The following GPSM3 variants were observed in gnomAD, a reference collection of about 807,000 sequenced individuals.
The protein encoded by GPSM3 is G protein-signaling modulator 3.
Under a neutral mutation model 20.4 loss-of-function variants are expected in GPSM3, and 16 were observed. The observed-to-expected ratio is 0.78, with a 90% confidence interval of 0.53 to 1.19. The LOEUF is 1.19. Ranked by LOEUF, GPSM3 falls within the 50% of genes most tolerant of loss-of-function variation. The pLI is 0.00. For synonymous variants in GPSM3, 70 were observed against 79.6 expected (o/e 0.88, Z 0.64); for missense variants, 177 against 204.6 (o/e 0.86, Z 0.82).
In GPSM3 at chr6:32,192,175, G is replaced by A; in HGVS notation, c.118C>T (p.Pro40Ser). The change falls in exon 2 of 4, where the codon CCT (proline) becomes TCT (serine). Residue 40 changes from proline to serine, a missense_variant. Pro to Ser is a moderately conservative substitution (Grantham distance 74). Coordinates refer to ENST00000375040, the MANE Select transcript of GPSM3 (RefSeq NM_001276501.2). The surrounding 1 kb of genome is among the most constrained non-coding windows in gnomAD (Gnocchi z 5.1). ...GTGTGGCGGGTCCCTGGAGGAGGAG[G>A]GGATGGAGGAGCAGATCGCCAAGGC... ...TRPWRSAPPS[P>S]PPPGTRHTAL... 2.0e-6 allele frequency: 3 copies of A among 1,511,990 alleles called. No homozygotes were observed. Among genetic ancestry groups the A allele is most frequent in the Non-Finnish European group, 2.7e-6 (3 of 1,130,514 alleles). The allele number at this position is 1,511,990 out of a possible 1,614,324, so 93.7% of individuals were successfully genotyped here.
Position 32,192,164 on chromosome 6 carries a change from T to C in GPSM3, c.129A>G (p.Pro43=). The change falls in exon 2 of 4, where the codon CCA becomes CCG. Residue 43 remains proline, a synonymous_variant. Transcript: ENST00000375040. The surrounding 1 kb of genome is among the most constrained non-coding windows in gnomAD (Gnocchi z 5.1). The part of the protein sequence containing the change: ...WRSAPPSPPP[P]GTRHTALGPR... ...TAGGGGTACCTGTGTGGCGGGTCCC[T>C]GGAGGAGGAGGGGATGGAGGAGCAG... 6.6e-7 allele frequency: 1 copy of C among 1,506,664 alleles called. No homozygotes were observed. Among genetic ancestry groups the C allele is most frequent in the Non-Finnish European group, 8.9e-7 (1 of 1,127,548 alleles). 93.3% of individuals were successfully genotyped at this position (1,506,664 alleles called of 1,614,324 possible). A position where few individuals can be genotyped will look rare whatever the true frequency, so the allele number is the denominator to read the frequency against.
chr6:32,191,549 G>A lies in GPSM3; in HGVS notation c.346-46C>T, dbSNP rs1787514148. 1.3e-6 allele frequency: 2 copies of A among 1,523,652 alleles called. No individual in the cohort carries two copies. The highest frequency in any genetic ancestry group is 1.8e-6 in the Non-Finnish European group (2 of 1,136,460). 94.4% of individuals were successfully genotyped at this position (1,523,652 alleles called of 1,614,324 possible). On this transcript the variant is annotated intron_variant, in intron 3 of 3. Coordinates refer to ENST00000375040, the MANE Select transcript of GPSM3 (RefSeq NM_001276501.2). The surrounding 1 kb of genome is among the most constrained non-coding windows in gnomAD (Gnocchi z 5.9). ...GGAGAGCTTTGGTGAGGGTCTGAGA[G>A]GAGGAGGTTCTTGAGAGGATCAAGG...
chr6:32,191,445 A>T lies in GPSM3; in HGVS notation c.404T>A (p.Leu135His). The T allele has an allele frequency of 6.3e-7, 1 of 1,592,514 alleles. No homozygotes were observed. Among genetic ancestry groups the T allele is most frequent in the Non-Finnish European group, 8.5e-7 (1 of 1,170,868 alleles). Residue 135 changes from leucine to histidine, a missense_variant, in exon 4 of 4, where the codon CTC (leucine) becomes CAC (histidine). Physicochemically the swap from Leu to His is moderately conservative, Grantham distance 99. Coordinates refer to ENST00000375040, the MANE Select transcript of GPSM3 (RefSeq NM_001276501.2). The surrounding 1 kb of genome is among the most constrained non-coding windows in gnomAD (Gnocchi z 5.9). Reference sequence around the variant, plus strand: ...CTGAACTCTCAGCAGCAACTCCAGGAGCTCTTGCCCCCCTGGAGGGAGGGG... The same window carrying T: ...CTGAACTCTCAGCAGCAACTCCAGGTGCTCTTGCCCCCCTGGAGGGAGGGG... The part of the protein sequence containing the change: ...EPPLPPGGQE[L>H]LELLLRVQGG...
At chr6:32,193,891 A>G (rs567280216), upstream of GPSM3, among the ~76,000 whole-genome samples, 7 of 152,362 alleles carry the variant, frequency 4.6e-5, no homozygotes, top group South Asian at 1.0e-3. This position sits in a 1 kb window ranked among gnomAD's most constrained non-coding sequence, Gnocchi z 4.7. Flanking sequence ...TGGTACCTCT[A>G]AATGGCAACC....
At position 32,191,615 on chromosome 6, in the gene GPSM3, G is replaced by T; in HGVS notation, c.345+94C>A. 3.4e-6 allele frequency: 5 copies of T among 1,469,252 alleles called. No homozygotes were observed. Among genetic ancestry groups the T allele is most frequent in the Non-Finnish European group, 4.6e-6 (5 of 1,088,326 alleles). 91.0% of individuals were successfully genotyped at this position (1,469,252 alleles called of 1,614,324 possible). ...CATATAGGAAACCTGTGAAGGCGAT[G>T]GGGTGCCTAGGGAGAAACAGGAGTA... On this transcript the variant is annotated intron_variant, in intron 3 of 3. Coordinates refer to ENST00000375040, the MANE Select transcript of GPSM3 (RefSeq NM_001276501.2). The surrounding 1 kb of genome is among the most constrained non-coding windows in gnomAD (Gnocchi z 5.9).
chr6:32,195,137 T>C, upstream of GPSM3: 1 of 440,432 alleles, frequency 2.3e-6, no homozygotes, highest in South Asian at 4.3e-5. The surrounding 1 kb of genome is among the most constrained non-coding windows in gnomAD (Gnocchi z 5.4). Flanking sequence ...ACATCCCATA[T>C]GCCTGCAATT....
At chr6:32,195,006 A>G, upstream of GPSM3, 1 of 245,110 alleles carries the variant, frequency 4.1e-6, no homozygotes, top group East Asian at 5.9e-5. The surrounding 1 kb of genome is among the most constrained non-coding windows in gnomAD (Gnocchi z 5.4). Flanking sequence ...ACTTTTCAGC[A>G]CCTACACAGT....
chr6:32,192,507 C>T lies in GPSM3; in HGVS notation c.7G>A (p.Ala3Thr), dbSNP rs1267763914. Residue 3 changes from alanine (A) to threonine (T), a missense_variant, in exon 1 of 4, where the codon GCT becomes ACT. Physicochemically the swap from Ala to Thr is moderately conservative, Grantham distance 58 (BLOSUM62 0). Transcript: ENST00000375040. The surrounding 1 kb of genome is among the most constrained non-coding windows in gnomAD (Gnocchi z 5.1). ME[A>T]ERPQEEEDGE... ...TCCTCTTCTTCCTGGGGTCTCTCAG[C>T]CTCCATCCCCTAGAGGGGAGAAACT... 4.4e-6 allele frequency: 7 copies of T among 1,588,692 alleles called. No individual in the cohort carries two copies. Among genetic ancestry groups the T allele is most frequent in the Non-Finnish European group, 6.0e-6 (7 of 1,166,630 alleles).
In GPSM3 at chr6:32,192,594, T is replaced by C; in HGVS notation, c.-81A>G. The C allele has an allele frequency of 2.1e-6, 1 of 470,004 alleles. No homozygotes were observed. The highest frequency in any genetic ancestry group is 5.8e-5 in the East Asian group (1 of 17,102). 29.1% of individuals were successfully genotyped at this position (470,004 alleles called of 1,614,324 possible). On this transcript the variant is annotated 5_prime_UTR_variant, in exon 1 of 4. Transcript: ENST00000375040. The surrounding 1 kb of genome is among the most constrained non-coding windows in gnomAD (Gnocchi z 5.1). ...TGGAACCTTGGGTTCCTGAGGGGAG[T>C]GGGGGCTGGAAGGGGTGGGGGTGAG...
chr6:32,192,595 G>T lies in GPSM3; in HGVS notation c.-82C>A. 1.0e-6 allele frequency: 1 copy of T among 969,414 alleles called. No homozygotes were observed. Among genetic ancestry groups the T allele is most frequent in the South Asian group, 1.5e-5 (1 of 68,264 alleles). 60.1% of individuals were successfully genotyped at this position (969,414 alleles called of 1,614,324 possible). On this transcript the variant is annotated 5_prime_UTR_variant, in exon 1 of 4. Coordinates refer to ENST00000375040, the MANE Select transcript of GPSM3 (RefSeq NM_001276501.2). The surrounding 1 kb of genome is among the most constrained non-coding windows in gnomAD (Gnocchi z 5.1). ...GGAACCTTGGGTTCCTGAGGGGAGTGGGGGCTGGAAGGGGTGGGGGTGAGC... is the reference window on the plus strand; with the variant it reads ...GGAACCTTGGGTTCCTGAGGGGAGTTGGGGCTGGAAGGGGTGGGGGTGAGC...
At chr6:32,193,163 T>C (rs1787656149), upstream of GPSM3, 1 of 152,590 alleles carries the variant, frequency 6.6e-6, no homozygotes, top group African/African-American at 2.4e-5. This position sits in a 1 kb window ranked among gnomAD's most constrained non-coding sequence, Gnocchi z 4.7. Context: ...ATTCAATATA[T>C]ATGTATTGAA....
chr6:32,195,355 T>G, upstream of GPSM3: 1 of 1,320,336 alleles, frequency 7.6e-7, no homozygotes, highest in Non-Finnish European at 1.0e-6. This position sits in a 1 kb window ranked among gnomAD's most constrained non-coding sequence, Gnocchi z 5.4. Context: ...TTTTGGGGGA[T>G]CCATCTTAAA....
Position 32,191,110 on chromosome 6 carries a change from G to C in GPSM3, c.*256C>G. 2.2e-6 allele frequency: 1 copy of C among 448,938 alleles called. No individual in the cohort carries two copies. Among genetic ancestry groups the C allele is most frequent in the Non-Finnish European group, 3.9e-6 (1 of 256,854 alleles). The allele number at this position is 448,938 out of a possible 1,614,324, so 27.8% of individuals were successfully genotyped here. A position where few individuals can be genotyped will look rare whatever the true frequency, so the allele number is the denominator to read the frequency against. On this transcript the variant is annotated 3_prime_UTR_variant, in exon 4 of 4. Transcript: ENST00000375040. This position sits in a 1 kb window ranked among gnomAD's most constrained non-coding sequence, Gnocchi z 5.9. ...AGCCACTCCTTGAGATGGGTGCCTG[G>C]GATCCCCCTTACTGCCTCAAGCTCC... is the stretch of plus-strand genomic sequence containing the variant.
upstream of GPSM3, among the ~76,000 whole-genome samples, chr6:32,193,748 C>T (rs1787690561): frequency 1.3e-5 from 2 of 152,052 alleles, no homozygotes; most frequent in Non-Finnish European, 2.9e-5. This position sits in a 1 kb window ranked among gnomAD's most constrained non-coding sequence, Gnocchi z 4.7. Flanking sequence ...GGCAACAGAG[C>T]AATACCCTGT....
chr6:32,191,609 G>A lies in GPSM3; in HGVS notation c.345+100C>T. ...GGGAGGCATATAGGAAACCTGTGAA[G>A]GCGATGGGGTGCCTAGGGAGAAACA... is the stretch of plus-strand genomic sequence containing the variant. On this transcript the variant is annotated intron_variant, in intron 3 of 3. Coordinates refer to ENST00000375040, the MANE Select transcript of GPSM3 (RefSeq NM_001276501.2). The surrounding 1 kb of genome is among the most constrained non-coding windows in gnomAD (Gnocchi z 5.9). The A allele has an allele frequency of 1.4e-6, 2 of 1,480,012 alleles. No individual in the cohort carries two copies. The highest frequency in any genetic ancestry group is 1.8e-6 in the Non-Finnish European group (2 of 1,097,950). The allele number at this position is 1,480,012 out of a possible 1,614,324, so 91.7% of individuals were successfully genotyped here. A position where few individuals can be genotyped will look rare whatever the true frequency, so the allele number is the denominator to read the frequency against.
At position 32,192,245 on chromosome 6, in the gene GPSM3, G is replaced by A; in HGVS notation, c.48C>T (p.Pro16=). The A allele has an allele frequency of 2.6e-6, 4 of 1,521,854 alleles. No individual in the cohort carries two copies. The highest frequency in any genetic ancestry group is 3.5e-6 in the Non-Finnish European group (4 of 1,134,850). The allele number at this position is 1,521,854 out of a possible 1,614,324, so 94.3% of individuals were successfully genotyped here. The part of the protein sequence containing the change: ...PQEEEDGEQG[P]PQDEEGWPPP... ...GGGGCCAGCCTTCCTCATCCTGAGGGGGGCCCTGATGCCAAAATATGTCCA... is the reference window on the plus strand; with the variant it reads ...GGGGCCAGCCTTCCTCATCCTGAGGAGGGCCCTGATGCCAAAATATGTCCA... The change falls in exon 2 of 4, where the codon CCC becomes CCT. Residue 16 remains proline (P), a synonymous_variant. Transcript: ENST00000375040. This position sits in a 1 kb window ranked among gnomAD's most constrained non-coding sequence, Gnocchi z 5.1.
In GPSM3 at chr6:32,191,979, A is replaced by G. The variant is rs1787557058; in HGVS notation, c.146-71T>C. The stretch of plus-strand genomic sequence containing the variant: ...AGACAGGAGCCGTGGGGGAGTGTGG[A>G]CAGGGTGACGTGATTAGGGACTTTG... On this transcript the variant is annotated intron_variant, in intron 2 of 3. Coordinates refer to ENST00000375040, the MANE Select transcript of GPSM3 (RefSeq NM_001276501.2). The surrounding 1 kb of genome is among the most constrained non-coding windows in gnomAD (Gnocchi z 5.9). 3 of 1,452,172 alleles carry G rather than the reference A, an allele frequency of 2.1e-6. No individual in the cohort carries two copies. The highest frequency in any genetic ancestry group is 1.7e-5 in the Admixed American group (1 of 57,308). 90.0% of individuals were successfully genotyped at this position (1,452,172 alleles called of 1,614,324 possible).
chr6:32,191,484 T>A lies in GPSM3; in HGVS notation c.365A>T (p.Gln122Leu). 6.4e-7 allele frequency: 1 copy of A among 1,567,716 alleles called. No individual in the cohort carries two copies. The highest frequency in any genetic ancestry group is 8.6e-7 in the Non-Finnish European group (1 of 1,158,804). Residue 122 changes from glutamine (Q) to leucine (L), a missense_variant, in exon 4 of 4, where the codon CAG becomes CTG. Transcript: ENST00000375040. This position sits in a 1 kb window ranked among gnomAD's most constrained non-coding sequence, Gnocchi z 5.9. ...LSHQCQRMEA[Q>L]RSEPPLPPGG... ...TGGAGGGAGGGGAGGCTCTGACCGCTGGGCTTCCATCCGCTGGCACTGGAG... is the reference window on the plus strand; with the variant it reads ...TGGAGGGAGGGGAGGCTCTGACCGCAGGGCTTCCATCCGCTGGCACTGGAG...
chr6:32,191,257 G>T lies in GPSM3; in HGVS notation c.*109C>A. ...GTGGGAGATGAATATTGAGATTTGT[G>T]CCGTGTCTTTCAGTCTCTGGTACCC... On this transcript the variant is annotated 3_prime_UTR_variant, in exon 4 of 4. Transcript: ENST00000375040. This position sits in a 1 kb window ranked among gnomAD's most constrained non-coding sequence, Gnocchi z 5.9. The T allele has an allele frequency of 4.7e-6, 6 of 1,283,714 alleles. No homozygotes were observed. Among genetic ancestry groups the T allele is most frequent in the Non-Finnish European group, 6.4e-6 (6 of 938,052 alleles). The allele number at this position is 1,283,714 out of a possible 1,614,324, so 79.5% of individuals were successfully genotyped here. A position where few individuals can be genotyped will look rare whatever the true frequency, so the allele number is the denominator to read the frequency against.
Sources: gnomAD v4.1 joint callset for allele counts (sites outside exome capture counted in the v4.1 genomes callset) on GRCh38, gnomAD v4.1.1 for gene constraint, Gnocchi (gnomAD v3.1) non-coding constraint, MANE v1.5 for transcripts, NCBI Gene and HGNC (gene_info 2026-07-23, HGNC 2026-07-21) for gene names.